Variants in CPT1C observed in about 807,000 individuals in gnomAD.
CPT1C encodes carnitine palmitoyltransferase 1C, also known as palmitoyl thioesterase CPT1C.
Under a neutral mutation model 97.3 loss-of-function variants are expected in CPT1C, and 61 were observed. The observed-to-expected ratio is 0.63, with a 90% CI of 0.51 to 0.78. CPT1C has a LOEUF of 0.78. Ranked by LOEUF, CPT1C falls within the 30% of genes least tolerant of loss-of-function variation. The probability of loss-of-function intolerance (pLI) is 0.00; values close to 1 mark genes in which losing one functional copy is unlikely to be tolerated. For missense variants in CPT1C, 975 were observed against 1,065.5 expected, an observed-to-expected ratio of 0.92 and a Z score of 1.18; for synonymous variants, 469 against 447.2, an observed-to-expected ratio of 1.05 and a Z score of -0.61.
chr19:49,708,987 G>C, intron 14 of CPT1C, 148 bp downstream of exon 14: 1 of 603,996 alleles, frequency 1.7e-6, no homozygotes, highest in South Asian at 2.0e-5. Flanking sequence ...CCCAAATCAG[G>C]CCATATGCAT....
intron 4 of CPT1C, among the ~76,000 whole-genome samples, chr19:49,699,541 A>C (rs750450004): frequency 6.7e-6 from 1 of 149,532 alleles, no homozygotes; most frequent in Non-Finnish European, 1.5e-5. Context: ...AAGTGATTTG[A>C]CCCAAGTCCT....
chr19:49,713,112 A>G (rs1441244880), intron 19 of CPT1C, 48 bp downstream of exon 19: 2 of 1,511,024 alleles, frequency 1.3e-6, no homozygotes, highest in Non-Finnish European at 1.8e-6. Context: ...CTCAGGAACC[A>G]GGAGTCTGGG....
In CPT1C at chr19:49,713,572, C is replaced by A. The variant is rs1240398693; in HGVS notation, c.2379C>A (p.Ala793=). ...RCGFLSRQTG[A]SKASMTSTDF Reference sequence around the variant, plus strand: ...GATTTCTCTCCCGCCAGACTGGGGCCTCCAAGGCCTCAATGACATCCACCG... The same window carrying A: ...GATTTCTCTCCCGCCAGACTGGGGCATCCAAGGCCTCAATGACATCCACCG... Residue 793 remains alanine, a synonymous_variant, in exon 20 of 20, where the codon GCC becomes GCA. Coordinates refer to ENST00000598293, the MANE Select transcript of CPT1C (RefSeq NM_001199753.2). 4 of 1,613,232 alleles carry A rather than the reference C, an allele frequency of 2.5e-6. No homozygotes were observed. The South Asian group carries it at 4.4e-5, about 18-fold the overall frequency.
At chr19:49,696,524 C>T (rs1413465536) in intron 3 of CPT1C, 1 of 149,822 alleles carries the variant, frequency 6.7e-6, no homozygotes, top group African/African-American at 2.5e-5. Context: ...GCAGTGTCAC[C>T]ATCACAGCTC....
rs2083909433 is a variant in CPT1C, at chr19:49,711,902, C to T, written c.1960C>T (p.Leu654=). Residue 654 remains leucine (L), a synonymous_variant, in exon 17 of 20, where the codon CTG becomes TTG. Transcript: ENST00000598293. ...AMSGQGVDRH[L]FALYIVSRFL... ...GAGCGGGCAGGGAGTTGACCGCCAC[C>T]TGTTTGCGCTGTACATCGTGTCCCG... The T allele has an allele frequency of 6.2e-7, 1 of 1,614,092 alleles. No individual in the cohort carries two copies. Among genetic ancestry groups the T allele is most frequent in the Admixed American group, 1.7e-5 (1 of 60,004 alleles).
chr19:49,701,954 A>ATATATATT (rs1380195545), intron 7 of CPT1C, among the ~76,000 whole-genome samples: 1 of 73,946 alleles, frequency 1.4e-5, no homozygotes, highest in African/African-American at 8.0e-5. Context: ...TTATATATAA[A>ATATATATT]TATATTTATA....
At chr19:49,711,727 G>C in intron 16 of CPT1C, 82 bp from the exon 17 acceptor site, 1 of 1,446,538 alleles carries the variant, frequency 6.9e-7, no homozygotes, top group South Asian at 1.3e-5. Flanking sequence ...GGCAAACTCA[G>C]TTGAGGCCAG....
intron 8 of CPT1C, 23 bp from the exon 9 acceptor site, chr19:49,704,984 C>A: frequency 6.4e-7 from 1 of 1,564,000 alleles, no homozygotes; most frequent in Non-Finnish European, 8.7e-7. Flanking sequence ...GGGTGTTTTG[C>A]CATCCCCTCT....
At chr19:49,712,481 TG>T in intron 17 of CPT1C, 1 of 468,202 alleles carries the variant, frequency 2.1e-6, no homozygotes, top group Non-Finnish European at 3.8e-6. Flanking sequence ...GTCAGTGGGG[TG>T]GGGATAAGAG....
At chr19:49,711,235 A>G in intron 16 of CPT1C, 1 of 157,548 alleles carries the variant, frequency 6.3e-6, no homozygotes. Flanking sequence ...CTGGAATTAT[A>G]GGCACCCGCC....
Position 49,702,143 on chromosome 19 carries a change from A to ATATTTATTTATAAATTATAAATAAATATT in CPT1C, c.693+537_693+538insTTATTTATTTATAAATTATAAATAAATAT, listed in dbSNP as rs2083200107. Reference sequence around the variant, plus strand: ...TTATTTATAAATTATAAATAAATATATATTTATTTATAAATTATAAATAAA... The same window carrying ATATTTATTTATAAATTATAAATAAATATT: ...TTATTTATAAATTATAAATAAATATATATTTATTTATAAATTATAAATAAATATTTATTTATTTATAAATTATAAATAAA... On this transcript the variant is annotated intron_variant, in intron 7 of 19. Transcript: ENST00000598293. Among the ~76,000 whole-genome samples the ATATTTATTTATAAATTATAAATAAATATT allele has an allele frequency of 2.5e-4, 24 of 95,410 alleles. 1 individual carries two copies. In the South Asian group the frequency reaches 6.0e-3, roughly 24 times the overall value. 62.6% of individuals were successfully genotyped at this position (95,410 alleles called of 152,430 possible).
At chr19:49,700,888 C>T in intron 5 of CPT1C, 33 bp downstream of exon 5, 1 of 1,605,506 alleles carries the variant, frequency 6.2e-7, no homozygotes, top group Non-Finnish European at 8.5e-7. Flanking sequence ...CTCAGGCTCT[C>T]CTGGGACCCG....
intron 14 of CPT1C, among the ~76,000 whole-genome samples, chr19:49,709,823 T>G (rs1404498095): frequency 6.6e-6 from 1 of 151,066 alleles, no homozygotes; most frequent in Non-Finnish European, 1.5e-5. Flanking sequence ...CCCAAAGTGT[T>G]GGGATTACAG....
intron 14 of CPT1C, among the ~76,000 whole-genome samples, chr19:49,709,072 CT>C (rs1476350860): frequency 1.3e-5 from 2 of 151,864 alleles, no homozygotes; most frequent in African/African-American, 4.8e-5. Flanking sequence ...CAATCCCATC[CT>C]CAACCCCAAC....
At chr19:49,701,136 C>T (rs979979206) in intron 5 of CPT1C, among the ~76,000 whole-genome samples, 181 bp from the exon 6 acceptor site, 1 of 149,268 alleles carries the variant, frequency 6.7e-6, no homozygotes, top group Non-Finnish European at 1.5e-5. Context: ...GGTCTCTGTC[C>T]CCCTCTCTCT....
rs1568541874 is a variant in CPT1C, at chr19:49,710,497, C to A, written c.1731+13C>A. The A allele has an allele frequency of 6.2e-7, 1 of 1,613,964 alleles. No individual in the cohort carries two copies. The highest frequency in any genetic ancestry group is 8.5e-7 in the Non-Finnish European group (1 of 1,180,034). ...GGCCCACTTCCGGGTCAGTTGGGTTCCCCATCCACAGCCCCCGCAGGGTCT... is the reference window on the plus strand; with the variant it reads ...GGCCCACTTCCGGGTCAGTTGGGTTACCCATCCACAGCCCCCGCAGGGTCT... On this transcript the variant is annotated intron_variant, in intron 15 of 19. Transcript: ENST00000598293.
In CPT1C at chr19:49,710,729, G is replaced by T. The variant is rs764091028; in HGVS notation, c.1738G>T (p.Gly580Cys). ...ALQLAHFRDR[G>C]QFCLTYESAM... ...TCTCCTCCCTGTCCCCCAGGACAGG[G>T]GTCAATTCTGCCTGACTTATGAGTC... Residue 580 changes from glycine (G) to cysteine (C), a missense_variant, in exon 16 of 20, where the codon GGT becomes TGT. Around this residue, in one of 3 missense-constraint regions of CPT1C, gnomAD observed 344 missense variants for 395.7 expected, o/e 0.87. Coordinates refer to ENST00000598293, the MANE Select transcript of CPT1C (RefSeq NM_001199753.2). 2 of 1,612,924 alleles carry T rather than the reference G, an allele frequency of 1.2e-6. No individual in the cohort carries two copies. The highest frequency in any genetic ancestry group is 1.7e-5 in the Admixed American group (1 of 59,970).
At position 49,705,196 on chromosome 19, in the gene CPT1C, G is replaced by A. The variant is rs772272448; in HGVS notation, c.880-18G>A. On this transcript the variant is annotated intron_variant, in intron 9 of 19. Coordinates refer to ENST00000598293, the MANE Select transcript of CPT1C (RefSeq NM_001199753.2). ...CGTGGGTCCTGGAAGGCAGCTCACAGCCCACGGTTTCCTGCAGACTTTGCT... is the reference window on the plus strand; with the variant it reads ...CGTGGGTCCTGGAAGGCAGCTCACAACCCACGGTTTCCTGCAGACTTTGCT... The A allele has an allele frequency of 3.1e-6, 5 of 1,614,024 alleles. No individual in the cohort carries two copies. The East Asian group carries it at 8.9e-5, about 29-fold the overall frequency.
chr19:49,691,963 C>G, intron 2 of CPT1C, 74 bp downstream of exon 2: 3 of 405,766 alleles, frequency 7.4e-6, no homozygotes, highest in Non-Finnish European at 1.3e-5. Context: ...CGTGAGATCC[C>G]GGGTCTGAGG....
Sources: allele counts gnomAD v4.1 joint callset (sites outside exome capture counted in the v4.1 genomes callset), GRCh38; gene constraint gnomAD v4.1.1; regional missense constraint gnomAD v4.1.1; transcripts MANE v1.5; gene names NCBI Gene and HGNC (gene_info 2026-07-23, HGNC 2026-07-21).